Variants in SH3GL2 observed in about 807,000 individuals in gnomAD.
SH3GL2 encodes the protein endophilin-A1.
In SH3GL2, 24 loss-of-function variants were observed where a neutral mutation model predicts 46.0. The observed-to-expected ratio is 0.52, with a 90% CI of 0.38 to 0.73. The LOEUF is 0.73. Among genes scored for constraint, SH3GL2 ranks in the 30% least tolerant of loss-of-function variants. SH3GL2 has a pLI of 0.00. For synonymous variants in SH3GL2, 196 were observed against 147.1 expected (o/e 1.33, Z -2.40); for missense variants, 413 against 424.2 (o/e 0.97, Z 0.23).
In SH3GL2 at chr9:17,745,093, C is replaced by T. The variant is rs115208563; in HGVS notation, c.46-1973C>T. On this transcript the variant is annotated intron_variant, in intron 1 of 8. Coordinates refer to ENST00000380607, the MANE Select transcript of SH3GL2 (RefSeq NM_003026.5). Reference sequence around the variant, plus strand: ...AAAGATGTCTACTATACACAAGTATCGGACTTTATGCAACCCTCTCTTTTC... The same window carrying T: ...AAAGATGTCTACTATACACAAGTATTGGACTTTATGCAACCCTCTCTTTTC... Among the ~76,000 whole-genome samples, 436 of 152,232 alleles carry T rather than the reference C, an allele frequency of 2.9e-3. 1 individual carries two copies. Among genetic ancestry groups the T allele is most frequent in the African/African-American group, 9.9e-3 (412 of 41,516 alleles).
chr9:17,637,975 T>A (rs1165660812), intron 1 of SH3GL2, among the ~76,000 whole-genome samples: 1 of 151,862 alleles, frequency 6.6e-6, no homozygotes, highest in African/African-American at 2.4e-5. Flanking sequence ...GCTAACACAG[T>A]GAAACCCCGT....
chr9:17,656,108 A>G (rs760739198), intron 1 of SH3GL2, among the ~76,000 whole-genome samples: 1 of 152,184 alleles, frequency 6.6e-6, no homozygotes, highest in Non-Finnish European at 1.5e-5. Flanking sequence ...TAATTGATTT[A>G]TCGTCTACTT....
At chr9:17,694,946 C>T (rs1244687530) in intron 1 of SH3GL2, among the ~76,000 whole-genome samples, 1 of 151,964 alleles carries the variant, frequency 6.6e-6, no homozygotes, top group Admixed American at 6.6e-5. Flanking sequence ...GCACAGCAGT[C>T]ACAATGTTGA....
intron 1 of SH3GL2, among the ~76,000 whole-genome samples, chr9:17,629,901 C>G (rs776479813): frequency 1.9e-4 from 29 of 152,156 alleles, no homozygotes; most frequent in Admixed American, 1.2e-3. Flanking sequence ...ATTTTGGGGT[C>G]TCTTACACCA....
In SH3GL2 at chr9:17,726,372, G is replaced by A. The variant is rs1224166465; in HGVS notation, c.46-20694G>A. Among the ~76,000 whole-genome samples the A allele has an allele frequency of 3.9e-5, 6 of 152,136 alleles. 1 individual carries two copies. In the South Asian group the frequency reaches 8.3e-4, roughly 21 times the overall value. On this transcript the variant is annotated intron_variant, in intron 1 of 8. Coordinates refer to ENST00000380607, the MANE Select transcript of SH3GL2 (RefSeq NM_003026.5). ...TAATATGAATGCTACTTCATAGTAA[G>A]TACTCAATAAACGTCTGAATGAATG...
intron 1 of SH3GL2, among the ~76,000 whole-genome samples, chr9:17,581,254 GA>G (rs1178742672): frequency 4.6e-5 from 7 of 152,048 alleles, no homozygotes; most frequent in African/African-American, 7.2e-5. Context: ...CTAAAGTGTA[GA>G]AAAAATAATT....
At chr9:17,793,052 T>G (rs1039702978) in intron 7 of SH3GL2, among the ~76,000 whole-genome samples, 1 of 152,202 alleles carries the variant, frequency 6.6e-6, no homozygotes, top group African/African-American at 2.4e-5. Flanking sequence ...GTACAAGAAC[T>G]GTGTTTTAAT....
At chr9:17,699,237 A>G (rs979089881) in intron 1 of SH3GL2, among the ~76,000 whole-genome samples, 3 of 152,028 alleles carry the variant, frequency 2.0e-5, no homozygotes, top group Non-Finnish European at 4.4e-5. Context: ...TCCTCTCTGT[A>G]TAAAACCATG....
At chr9:17,641,909 A>G (rs144969985) in intron 1 of SH3GL2, among the ~76,000 whole-genome samples, 439 of 152,314 alleles carry the variant, frequency 2.9e-3, no homozygotes, top group African/African-American at 0.01. Context: ...ATACGTGTGC[A>G]TGTGTCTTTA....
chr9:17,606,726 C>G (rs2134572470), intron 1 of SH3GL2, among the ~76,000 whole-genome samples: 1 of 152,256 alleles, frequency 6.6e-6, no homozygotes, highest in Middle Eastern at 3.4e-3. Context: ...TTTCTCTTTG[C>G]TAAATTAGGG....
intron 1 of SH3GL2, among the ~76,000 whole-genome samples, chr9:17,645,686 G>A (rs1819797794): frequency 6.6e-6 from 1 of 152,128 alleles, no homozygotes; most frequent in Non-Finnish European, 1.5e-5. Context: ...CTTTAAGAAT[G>A]TTGAATATTG....
At chr9:17,677,786 C>T (rs1161051078) in intron 1 of SH3GL2, among the ~76,000 whole-genome samples, 1 of 151,932 alleles carries the variant, frequency 6.6e-6, no homozygotes, top group African/African-American at 2.4e-5. Context: ...TACCTCCCCC[C>T]ACCCCACAAC....
At chr9:17,634,821 A>G (rs1237709130) in intron 1 of SH3GL2, among the ~76,000 whole-genome samples, 13 of 152,174 alleles carry the variant, frequency 8.5e-5, no homozygotes, top group Admixed American at 7.9e-4. Context: ...ACCACACAAT[A>G]CACACATGAT....
In SH3GL2 at chr9:17,714,810, A is replaced by G. The variant is rs1480331830; in HGVS notation, c.46-32256A>G. On this transcript the variant is annotated intron_variant, in intron 1 of 8. Transcript: ENST00000380607. ...AAAACTCACATATATAACCTGTAACATTTTCTATGCTTTTAATTTCTCATG... is the reference window on the plus strand; with the variant it reads ...AAAACTCACATATATAACCTGTAACGTTTTCTATGCTTTTAATTTCTCATG... 4.0e-5 allele frequency among the ~76,000 whole-genome samples: 6 copies of G among 151,846 alleles called. No homozygotes were observed. The East Asian group carries it at 1.2e-3, about 29-fold the overall frequency.
chr9:17,726,663 C>T lies in SH3GL2; in HGVS notation c.46-20403C>T, dbSNP rs372893754. ...CAACAAAAAATAGATGTGTGATATGCCTAGGCAGGCTATAAAATAGGAAGC... is the reference window on the plus strand; with the variant it reads ...CAACAAAAAATAGATGTGTGATATGTCTAGGCAGGCTATAAAATAGGAAGC... On this transcript the variant is annotated intron_variant, in intron 1 of 8. Coordinates refer to ENST00000380607, the MANE Select transcript of SH3GL2 (RefSeq NM_003026.5). Among the ~76,000 whole-genome samples, 6 of 152,052 alleles carry T rather than the reference C, an allele frequency of 3.9e-5. No individual in the cohort carries two copies. In the East Asian group the frequency reaches 1.2e-3, roughly 29 times the overall value.
chr9:17,777,896 A>C (rs1823687959), intron 3 of SH3GL2, among the ~76,000 whole-genome samples: 2 of 151,976 alleles, frequency 1.3e-5, no homozygotes, highest in Admixed American at 1.3e-4. Flanking sequence ...ATCACTTACC[A>C]ACTCTATTCC....
At chr9:17,599,521 C>G (rs1281087825) in intron 1 of SH3GL2, among the ~76,000 whole-genome samples, 2 of 152,032 alleles carry the variant, frequency 1.3e-5, no homozygotes, top group African/African-American at 4.8e-5. Context: ...TGAAATTTAT[C>G]ACAAGTAGGA....
At chr9:17,688,432 A>T (rs78449221) in intron 1 of SH3GL2, among the ~76,000 whole-genome samples, 4 of 152,082 alleles carry the variant, frequency 2.6e-5, no homozygotes, top group South Asian at 2.1e-4. Context: ...CTCTGGATAC[A>T]TTATTTATAA....
At chr9:17,738,638 A>AT (rs1822427157) in intron 1 of SH3GL2, among the ~76,000 whole-genome samples, 1 of 99,096 alleles carries the variant, frequency 1.0e-5, no homozygotes, top group African/African-American at 3.1e-5. Flanking sequence ...ATATATATAT[A>AT]TATAGAGAGA....
Sources: gnomAD v4.1 joint callset for allele counts (sites outside exome capture counted in the v4.1 genomes callset) on GRCh38, gnomAD v4.1.1 for gene constraint, MANE v1.5 for transcripts, NCBI Gene and HGNC (gene_info 2026-07-23, HGNC 2026-07-21) for gene names.